VTI1A: variants seen among roughly 807,000 people sequenced by gnomAD.
VTI1A encodes the protein vesicle transport through interaction with t-SNAREs homolog 1A.
Under a neutral mutation model 34.9 loss-of-function variants are expected in VTI1A, and 22 were observed. The observed-to-expected ratio is 0.63, with a 90% CI of 0.45 to 0.90. The LOEUF is 0.90. Among genes scored for constraint, VTI1A ranks in the 40% least tolerant of loss-of-function variants. VTI1A has a pLI of 0.00. For missense variants in VTI1A, 268 were observed against 275.6 expected, an observed-to-expected ratio of 0.97 and a Z score of 0.20; for synonymous variants, 87 against 97.3, an observed-to-expected ratio of 0.89 and a Z score of 0.62.
At chr10:112,583,746 T>G (rs561434931) in intron 5 of VTI1A, among the ~76,000 whole-genome samples, 120 of 152,228 alleles carry the variant, frequency 7.9e-4, no homozygotes, top group African/African-American at 2.8e-3. Context: ...GTACGCTTAA[T>G]AGAGAGAGCT....
intron 5 of VTI1A, among the ~76,000 whole-genome samples, chr10:112,657,026 C>T (rs1847256903): frequency 6.6e-6 from 1 of 152,158 alleles, no homozygotes; most frequent in African/African-American, 2.4e-5. Flanking sequence ...GCCATGCCCG[C>T]CCACCCTTCG....
intron 3 of VTI1A, among the ~76,000 whole-genome samples, chr10:112,514,427 G>A (rs550816721): frequency 6.6e-6 from 1 of 150,812 alleles, no homozygotes; most frequent in Non-Finnish European, 1.5e-5. Context: ...TGTTTATTTT[G>A]TTTATCTTTT....
At chr10:112,605,644 G>A (rs1845049946) in intron 5 of VTI1A, among the ~76,000 whole-genome samples, 1 of 152,098 alleles carries the variant, frequency 6.6e-6, no homozygotes, top group Non-Finnish European at 1.5e-5. Context: ...AAGACAGTAG[G>A]CATTTTCCTT....
Position 112,611,652 on chromosome 10 carries a change from AAAG to A in VTI1A, c.428-56557_428-56555del, listed in dbSNP as rs199688409. ...CATATAAAAACCAAATCTAGAAAGA[AAAG>A]AAGAAGAAAAAGTGAGTTTTGCTAA... On this transcript the variant is annotated intron_variant, in intron 5 of 7. Coordinates refer to ENST00000393077, the MANE Select transcript of VTI1A (RefSeq NM_145206.4). Among the ~76,000 whole-genome samples, 117 of 152,278 alleles carry A rather than the reference AAAG, an allele frequency of 7.7e-4. No individual in the cohort carries two copies. The East Asian group carries it at 0.019, about 25-fold the overall frequency.
chr10:112,836,760 G>A, the VTI1A span, among the ~76,000 whole-genome samples: 1 of 152,080 alleles, frequency 6.6e-6, no homozygotes, highest in East Asian at 1.9e-4. Context: ...GCGGGGAGGG[G>A]GTATGGAATC....
At chr10:112,843,517 C>A in the VTI1A span, among the ~76,000 whole-genome samples, 1 of 152,226 alleles carries the variant, frequency 6.6e-6, no homozygotes, top group Non-Finnish European at 1.5e-5. Flanking sequence ...CTGCTCTAAA[C>A]TGATGATTGG....
At chr10:112,647,574 A>G (rs1379454180) in intron 5 of VTI1A, among the ~76,000 whole-genome samples, 1 of 152,226 alleles carries the variant, frequency 6.6e-6, no homozygotes, top group Non-Finnish European at 1.5e-5. Context: ...ACATAAGGAC[A>G]TCAATAAAGT....
intron 3 of VTI1A, among the ~76,000 whole-genome samples, chr10:112,485,713 G>A (rs948841542): frequency 1.3e-5 from 2 of 152,212 alleles, no homozygotes; most frequent in African/African-American, 2.4e-5. Context: ...AAATGCAAAT[G>A]TCAACCTCAC....
chr10:112,663,268 G>A (rs144340511), intron 5 of VTI1A, among the ~76,000 whole-genome samples: 395 of 152,182 alleles, frequency 2.6e-3, no homozygotes, highest in Non-Finnish European at 4.4e-3. Context: ...CCTATCTATG[G>A]CAGGCTCATT....
Position 112,815,347 on chromosome 10 carries a change from C to T in VTI1A, c.618C>T (p.Ile206=), listed in dbSNP as rs1177402889. Residue 206 remains isoleucine (I), a synonymous_variant, in exon 8 of 8, where the codon ATC becomes ATT. Coordinates refer to ENST00000393077, the MANE Select transcript of VTI1A (RefSeq NM_145206.4). Reference sequence around the variant, plus strand: ...TAGGGATCATCGTGGTCATCACCATCCTGATGGCGATCACTTTTTCTGTCA... The same window carrying T: ...TAGGGATCATCGTGGTCATCACCATTCTGATGGCGATCACTTTTTCTGTCA... ...VILGIIVVIT[I]LMAITFSVRR... 1.2e-6 allele frequency: 2 copies of T among 1,614,100 alleles called. No homozygotes were observed. Among genetic ancestry groups the T allele is most frequent in the East Asian group, 2.2e-5 (1 of 44,864 alleles).
chr10:112,763,334 G>T (rs911867591), intron 7 of VTI1A, among the ~76,000 whole-genome samples: 5 of 152,056 alleles, frequency 3.3e-5, no homozygotes, highest in Admixed American at 2.0e-4. Flanking sequence ...CAGCTACTCG[G>T]GAGGCTGAGG....
chr10:112,668,924 TTTC>T lies in VTI1A; in HGVS notation c.499-7_499-5del. On this transcript the variant is annotated splice_polypyrimidine_tract_variant and intron_variant, in intron 6 of 7. Coordinates refer to ENST00000393077, the MANE Select transcript of VTI1A (RefSeq NM_145206.4). ...TTGCATGAACTTCTGTTTTGTTTTGTTTCTTCTTGTAGCTTCGGGAAACAGATG... is the reference window on the plus strand; with the variant it reads ...TTGCATGAACTTCTGTTTTGTTTTGTTTCTTGTAGCTTCGGGAAACAGATG... 1 of 1,612,088 alleles carries T rather than the reference TTTC, an allele frequency of 6.2e-7. No individual in the cohort carries two copies. Among genetic ancestry groups the T allele is most frequent in the South Asian group, 1.1e-5 (1 of 90,956 alleles).
At chr10:112,481,993 C>T (rs983744995) in intron 3 of VTI1A, among the ~76,000 whole-genome samples, 2 of 152,148 alleles carry the variant, frequency 1.3e-5, no homozygotes. Flanking sequence ...TCTAGCTTAA[C>T]ATAACCCGTA....
At chr10:112,760,165 A>AG (rs1427703937) in intron 7 of VTI1A, among the ~76,000 whole-genome samples, 13 of 152,202 alleles carry the variant, frequency 8.5e-5, no homozygotes, top group African/African-American at 2.9e-4. Flanking sequence ...CCCTTATCCA[A>AG]GGGGGATACG....
intron 7 of VTI1A, among the ~76,000 whole-genome samples, chr10:112,784,547 A>G (rs1852226154): frequency 6.6e-6 from 1 of 152,196 alleles, no homozygotes; most frequent in Non-Finnish European, 1.5e-5. Flanking sequence ...TGTAAGTTCT[A>G]ATGTTTTAAC....
intron 7 of VTI1A, among the ~76,000 whole-genome samples, chr10:112,722,842 G>T (rs1231899129): frequency 6.6e-6 from 1 of 152,134 alleles, no homozygotes; most frequent in African/African-American, 2.4e-5. Context: ...CATCTAATCA[G>T]TCTACTCTGA....
chr10:112,737,687 G>C, intron 7 of VTI1A: 1 of 1,056,278 alleles, frequency 9.5e-7, no homozygotes. Context: ...ATGTGCGGAT[G>C]ACTGTCAAGG....
intron 7 of VTI1A, among the ~76,000 whole-genome samples, chr10:112,739,312 A>G (rs901237074): frequency 6.6e-6 from 1 of 152,128 alleles, no homozygotes; most frequent in African/African-American, 2.4e-5. Flanking sequence ...GAGAAAAACA[A>G]TTGCCCACAG....
At chr10:112,499,093 G>C (rs928772036) in intron 3 of VTI1A, among the ~76,000 whole-genome samples, 25 of 152,192 alleles carry the variant, frequency 1.6e-4, no homozygotes, top group Admixed American at 5.9e-4. Flanking sequence ...TTCAACATTA[G>C]GTAAGGGGAG....
Sources: gnomAD v4.1 joint callset for allele counts (sites outside exome capture counted in the v4.1 genomes callset) on GRCh38, gnomAD v4.1.1 for gene constraint, MANE v1.5 for transcripts, NCBI Gene and HGNC (gene_info 2026-07-23, HGNC 2026-07-21) for gene names.